The following FAM13A variants were observed in gnomAD, a reference collection of about 807,000 sequenced individuals.
The protein encoded by FAM13A is family with sequence similarity 13 member A, also known as protein FAM13A.
FAM13A carries 76 observed loss-of-function variants against 129.6 expected under a neutral mutation model. That is an observed-to-expected ratio of 0.59 (90% CI 0.49 to 0.71). The LOEUF (loss-of-function observed/expected upper bound fraction) is 0.71, where lower values mean the gene tolerates loss of function less well. Among genes scored for constraint, FAM13A ranks in the 30% least tolerant of loss-of-function variants. The pLI, the probability that FAM13A is intolerant of heterozygous loss-of-function variation, is 0.00. For synonymous variants in FAM13A, 443 were observed against 449.9 expected, an observed-to-expected ratio of 0.98 and a Z score of 0.20; for missense variants, 1,108 against 1,249.3, an observed-to-expected ratio of 0.89 and a Z score of 1.70.
In FAM13A at chr4:88,851,178, T is replaced by C. The variant is rs1044775736; in HGVS notation, c.849A>G (p.Pro283=). ...MPKPPPKTKI[P]KSRSEGSIQA... ...GAATAGATCCCTCACTCCTGGATTTTGGGATCTAGAAGAAAAAAAAAAGAG... is the reference window on the plus strand; with the variant it reads ...GAATAGATCCCTCACTCCTGGATTTCGGGATCTAGAAGAAAAAAAAAAGAG... Residue 283 remains proline (P), a synonymous_variant, in exon 7 of 24, where the codon CCA becomes CCG. Transcript: ENST00000264344. The C allele has an allele frequency of 6.3e-7, 1 of 1,580,496 alleles. No homozygotes were observed. The highest frequency in any genetic ancestry group is 8.6e-7 in the Non-Finnish European group (1 of 1,159,836).
At chr4:88,800,243 T>C (rs1727144230) in intron 8 of FAM13A, among the ~76,000 whole-genome samples, 1 of 152,182 alleles carries the variant, frequency 6.6e-6, no homozygotes, top group African/African-American at 2.4e-5. Flanking sequence ...GACAGTTGTA[T>C]AACAATGAGA....
At chr4:88,873,391 T>C (rs1343666753) in intron 6 of FAM13A, among the ~76,000 whole-genome samples, 1 of 152,070 alleles carries the variant, frequency 6.6e-6, no homozygotes, top group Non-Finnish European at 1.5e-5. Context: ...GATAGACTGC[T>C]AGCAAGACTA....
chr4:88,937,960 G>A, intron 5 of FAM13A, 128 bp downstream of exon 5: 1 of 646,410 alleles, frequency 1.5e-6, no homozygotes, highest in South Asian at 2.0e-5. Flanking sequence ...TTCATAAGAA[G>A]GATTCACTAT....
At chr4:88,977,963 A>G (rs914243345) in intron 4 of FAM13A, among the ~76,000 whole-genome samples, 1 of 152,186 alleles carries the variant, frequency 6.6e-6, no homozygotes, top group Non-Finnish European at 1.5e-5. Context: ...CGTGATACAA[A>G]CTCATGTTCT....
intron 5 of FAM13A, among the ~76,000 whole-genome samples, chr4:88,923,623 T>C (rs999549659): frequency 6.6e-6 from 1 of 152,126 alleles, no homozygotes; most frequent in African/African-American, 2.4e-5. Context: ...ACTGGAAGCA[T>C]TCCCTTTGAA....
chr4:88,932,244 G>A (rs976847720), intron 5 of FAM13A, among the ~76,000 whole-genome samples: 19 of 152,170 alleles, frequency 1.2e-4, no homozygotes, highest in Non-Finnish European at 2.2e-4. Flanking sequence ...GTCATTTACT[G>A]TTGTGTGATC....
chr4:88,903,074 C>A (rs1156810051), intron 6 of FAM13A, among the ~76,000 whole-genome samples: 1 of 152,108 alleles, frequency 6.6e-6, no homozygotes, highest in Admixed American at 6.6e-5. Flanking sequence ...TCAAGGGGAA[C>A]TACAAATCAC....
chr4:89,037,552 T>A (rs1769547940), intron 1 of FAM13A, among the ~76,000 whole-genome samples: 1 of 152,204 alleles, frequency 6.6e-6, no homozygotes, highest in African/African-American at 2.4e-5. Flanking sequence ...TTTGAGTTAA[T>A]GCTGAAATGA....
intron 1 of FAM13A, 49 bp from the exon 2 acceptor site, chr4:89,029,698 A>T (rs773430623): frequency 4.0e-6 from 6 of 1,495,582 alleles, no homozygotes; most frequent in Non-Finnish European, 5.5e-6. Context: ...TTACCACAGG[A>T]GGTTGCATGG....
chr4:89,017,892 A>G (rs1395261936), intron 3 of FAM13A, among the ~76,000 whole-genome samples: 1 of 152,170 alleles, frequency 6.6e-6, no homozygotes, highest in Non-Finnish European at 1.5e-5. Context: ...AAAGCTTAAA[A>G]GCACCGTTGA....
intron 6 of FAM13A, among the ~76,000 whole-genome samples, chr4:88,900,041 A>G (rs929857225): frequency 6.6e-6 from 1 of 152,098 alleles, no homozygotes; most frequent in Non-Finnish European, 1.5e-5. Flanking sequence ...TCAGAGCTTG[A>G]AGACTCCCTT....
In FAM13A at chr4:88,758,769, C is replaced by A. The variant is rs751356648; in HGVS notation, c.1711G>T (p.Glu571Ter). 1 of 1,613,230 alleles carries A rather than the reference C, an allele frequency of 6.2e-7. No individual in the cohort carries two copies. Among genetic ancestry groups the A allele is most frequent in the Non-Finnish European group, 8.5e-7 (1 of 1,179,604 alleles). The part of the protein sequence containing the change: ...PQSDLTALCD[E>*]KNWEEPIPAF... Reference sequence around the variant, plus strand: ...ACAACCCTACCTTCCCAGTTCTTTTCATCACACAATGCAGTCAGGTCCGAC... The same window carrying A: ...ACAACCCTACCTTCCCAGTTCTTTTAATCACACAATGCAGTCAGGTCCGAC... Residue 571 changes from glutamate to a stop codon, truncating the protein, a stop_gained, in exon 14 of 24, where the codon GAA becomes TAA. Transcript: ENST00000264344. LOFTEE classifies it high-confidence loss of function.
intron 5 of FAM13A, among the ~76,000 whole-genome samples, chr4:88,925,970 G>A (rs1315819846): frequency 6.6e-6 from 1 of 152,092 alleles, no homozygotes; most frequent in African/African-American, 2.4e-5. Flanking sequence ...AACTTAACCA[G>A]AAGCAGAACT....
At chr4:88,914,761 C>T (rs183427465) in intron 5 of FAM13A, among the ~76,000 whole-genome samples, 7 of 152,296 alleles carry the variant, frequency 4.6e-5, no homozygotes, top group African/African-American at 1.4e-4. Flanking sequence ...CATATTTGAT[C>T]AGTGTATTCT....
chr4:88,980,999 A>G (rs1761595648), intron 4 of FAM13A, among the ~76,000 whole-genome samples: 2 of 152,238 alleles, frequency 1.3e-5, no homozygotes, highest in Admixed American at 1.3e-4. Context: ...AACATCTTGG[A>G]TAGAAGAATA....
At chr4:88,878,031 G>A (rs1742854524) in intron 6 of FAM13A, among the ~76,000 whole-genome samples, 1 of 152,106 alleles carries the variant, frequency 6.6e-6, no homozygotes, top group South Asian at 2.1e-4. Context: ...GCTCACGCCT[G>A]TAATCCCAGC....
intron 3 of FAM13A, among the ~76,000 whole-genome samples, chr4:89,000,286 T>G (rs537940304): frequency 1.6e-4 from 24 of 152,290 alleles, no homozygotes; most frequent in African/African-American, 5.5e-4. Flanking sequence ...CAAATTTCCA[T>G]CAACATGAAT....
intron 5 of FAM13A, among the ~76,000 whole-genome samples, chr4:88,929,475 G>C (rs932950856): frequency 2.1e-5 from 3 of 146,020 alleles, no homozygotes; most frequent in Non-Finnish European, 3.1e-5. Flanking sequence ...TATTTCCTTA[G>C]ATTTTCTAAA....
At chr4:89,029,018 T>A (rs995621276) in intron 2 of FAM13A, among the ~76,000 whole-genome samples, 2 of 152,192 alleles carry the variant, frequency 1.3e-5, no homozygotes, top group African/African-American at 4.8e-5. Context: ...TACATCATAG[T>A]TTTTTGGTGT....
Sources: allele counts gnomAD v4.1 joint callset (sites outside exome capture counted in the v4.1 genomes callset), GRCh38; gene constraint gnomAD v4.1.1; transcripts MANE v1.5; gene names NCBI Gene and HGNC (gene_info 2026-07-23, HGNC 2026-07-21).